IQCJ: variants seen among roughly 807,000 people sequenced by gnomAD.
The protein encoded by IQCJ is IQ motif containing J, also known as IQ domain-containing protein J.
Under a neutral mutation model 11.0 loss-of-function variants are expected in IQCJ, and 9 were observed. That is an observed-to-expected ratio of 0.82 (90% confidence interval 0.49 to 1.43). The LOEUF is 1.43. Among genes scored for constraint, IQCJ ranks in the 40% most tolerant of loss-of-function variants. The probability of loss-of-function intolerance (pLI) is 0.00; values close to 1 mark genes in which losing one functional copy is unlikely to be tolerated. For missense variants in IQCJ, 146 were observed against 133.2 expected (o/e 1.10, Z -0.47); for synonymous variants, 55 against 51.3 (o/e 1.07, Z -0.31).
intron 1 of IQCJ, among the ~76,000 whole-genome samples, chr3:159,176,689 A>G (rs1560014194): frequency 6.6e-6 from 1 of 152,192 alleles, no homozygotes; most frequent in Non-Finnish European, 1.5e-5. Flanking sequence ...AAATGCTATG[A>G]TTTCAACATG....
intron 1 of IQCJ, among the ~76,000 whole-genome samples, chr3:159,181,436 C>A (rs1052386627): frequency 1.4e-5 from 2 of 146,972 alleles, no homozygotes; most frequent in African/African-American, 5.1e-5. Context: ...AGACTTCCTG[C>A]CCAGTGAGAA....
At chr3:159,215,465 C>T (rs1318846506) in intron 1 of IQCJ, among the ~76,000 whole-genome samples, 1 of 152,094 alleles carries the variant, frequency 6.6e-6, no homozygotes, top group Non-Finnish European at 1.5e-5. Flanking sequence ...TTGTTCTCAA[C>T]CCTATTAAGA....
intron 1 of IQCJ, among the ~76,000 whole-genome samples, chr3:159,204,170 G>A (rs747611368): frequency 2.6e-5 from 4 of 152,178 alleles, no homozygotes; most frequent in South Asian, 2.1e-4. Flanking sequence ...GTAATATAAA[G>A]CAATGACTGT....
chr3:159,261,758 G>T (rs779307171), intron 3 of IQCJ, among the ~76,000 whole-genome samples: 1 of 152,194 alleles, frequency 6.6e-6, no homozygotes, highest in African/African-American at 2.4e-5. Flanking sequence ...AGAGGTTTCC[G>T]TTATCCTGAG....
rs911896533 is a variant in IQCJ, at chr3:159,263,077, G to T, written c.*346G>T. The T allele has an allele frequency of 1.0e-6, 1 of 998,100 alleles. No homozygotes were observed. The highest frequency in any genetic ancestry group is 1.2e-6 in the Non-Finnish European group (1 of 837,428). The allele number at this position is 998,100 out of a possible 1,614,324, so 61.8% of individuals were successfully genotyped here. On this transcript the variant is annotated 3_prime_UTR_variant, in exon 4 of 4. Coordinates refer to ENST00000397832, the MANE Select transcript of IQCJ (RefSeq NM_001042706.3). ...AGTAGAAAGAGAACTTTTACCAGAA[G>T]AATTGAAAGTGGTCACACACTCAGG...
chr3:159,087,897 G>T (rs1329927254), intron 1 of IQCJ, among the ~76,000 whole-genome samples: 1 of 148,166 alleles, frequency 6.7e-6, no homozygotes, highest in Non-Finnish European at 1.5e-5. Context: ...TTTTTGAAGG[G>T]TTTTTTGTGT....
chr3:159,196,410 G>C (rs1271057527), intron 1 of IQCJ, among the ~76,000 whole-genome samples: 2 of 152,146 alleles, frequency 1.3e-5, no homozygotes, highest in East Asian at 3.9e-4. Context: ...GTATCTGTTA[G>C]AATTGCCTGG....
intron 1 of IQCJ, among the ~76,000 whole-genome samples, chr3:159,165,619 C>CT (rs72123015): frequency 0.039 from 5,557 of 142,580 alleles, 328 homozygotes; most frequent in African/African-American, 0.13. Context: ...GTTAAAGCTT[C>CT]TTTTTTTTTT....
chr3:159,084,784 A>G (rs2108064956), intron 1 of IQCJ, among the ~76,000 whole-genome samples: 1 of 152,174 alleles, frequency 6.6e-6, no homozygotes, highest in Admixed American at 6.5e-5. Flanking sequence ...CATGAAAATG[A>G]CAGAGGAGGT....
intron 1 of IQCJ, among the ~76,000 whole-genome samples, chr3:159,133,779 G>A (rs1720130023): frequency 6.6e-6 from 1 of 152,094 alleles, no homozygotes; most frequent in African/African-American, 2.4e-5. Flanking sequence ...GATGGTCACT[G>A]TTTCTGTTAG....
At chr3:159,193,488 G>C (rs545202640) in intron 1 of IQCJ, among the ~76,000 whole-genome samples, 23 of 152,200 alleles carry the variant, frequency 1.5e-4, no homozygotes, top group African/African-American at 5.1e-4. Flanking sequence ...TATGCCCTCT[G>C]CTGCTGAGTA....
intron 1 of IQCJ, among the ~76,000 whole-genome samples, chr3:159,205,135 A>G (rs760912417): frequency 6.6e-6 from 1 of 152,234 alleles, no homozygotes; most frequent in Non-Finnish European, 1.5e-5. Flanking sequence ...CACTTCTGAC[A>G]CCAACCACAA....
intron 1 of IQCJ, among the ~76,000 whole-genome samples, chr3:159,169,541 C>T (rs972883025): frequency 4.6e-5 from 7 of 152,142 alleles, no homozygotes; most frequent in East Asian, 3.9e-4. Flanking sequence ...CCACCCGCCT[C>T]GGCCTCCCAA....
chr3:159,217,133 A>G (rs1725281873), intron 1 of IQCJ, among the ~76,000 whole-genome samples: 1 of 152,130 alleles, frequency 6.6e-6, no homozygotes, highest in African/African-American at 2.4e-5. Context: ...AGTTTTAAAA[A>G]ATGCTGTTGA....
At chr3:159,138,548 G>A (rs998227866) in intron 1 of IQCJ, among the ~76,000 whole-genome samples, 1 of 152,178 alleles carries the variant, frequency 6.6e-6, no homozygotes, top group Non-Finnish European at 1.5e-5. Context: ...AATACTCCGT[G>A]TGTGTTTAGA....
chr3:159,167,909 A>G (rs1045115880), intron 1 of IQCJ, among the ~76,000 whole-genome samples: 2 of 152,248 alleles, frequency 1.3e-5, no homozygotes, highest in South Asian at 2.1e-4. Context: ...ATAGGTTTAC[A>G]AACTATTCTT....
At chr3:159,202,646 G>T (rs999502079) in intron 1 of IQCJ, among the ~76,000 whole-genome samples, 2 of 152,118 alleles carry the variant, frequency 1.3e-5, no homozygotes, top group African/African-American at 4.8e-5. Context: ...GGCAAGCTAA[G>T]CAATTTTTAT....
intron 1 of IQCJ, among the ~76,000 whole-genome samples, chr3:159,154,540 C>A (rs538727342): frequency 6.6e-6 from 1 of 152,184 alleles, no homozygotes; most frequent in East Asian, 1.9e-4. Context: ...GGCCTTTGAA[C>A]TTGGCAGGCA....
intron 1 of IQCJ, among the ~76,000 whole-genome samples, chr3:159,103,936 A>G (rs966958654): frequency 1.3e-5 from 2 of 152,252 alleles, no homozygotes; most frequent in African/African-American, 2.4e-5. Flanking sequence ...GCATACACCT[A>G]TGTGGATTTC....
Sources: gnomAD v4.1 joint callset for allele counts (sites outside exome capture counted in the v4.1 genomes callset) on GRCh38, gnomAD v4.1.1 for gene constraint, MANE v1.5 for transcripts, NCBI Gene and HGNC (gene_info 2026-07-23, HGNC 2026-07-21) for gene names.